DCP2: variants seen among roughly 807,000 people sequenced by gnomAD.
The protein encoded by DCP2 is decapping mRNA 2.
Under a neutral mutation model 56.1 loss-of-function variants are expected in DCP2, and 30 were observed. The observed-to-expected ratio is 0.53, with a 90% CI of 0.40 to 0.73. The LOEUF (loss-of-function observed/expected upper bound fraction) is 0.73, where lower values mean the gene tolerates loss of function less well. DCP2 is among the 30% of genes least tolerant of loss of function. The pLI, the probability that DCP2 is intolerant of heterozygous loss-of-function variation, is 0.00. For missense variants in DCP2, 533 were observed against 502.7 expected, an observed-to-expected ratio of 1.06 and a Z score of -0.58; for synonymous variants, 197 against 163.3, an observed-to-expected ratio of 1.21 and a Z score of -1.57.
At chr5:112,991,236 A>G (rs987877186) in intron 2 of DCP2, among the ~76,000 whole-genome samples, 7 of 152,228 alleles carry the variant, frequency 4.6e-5, no homozygotes, top group African/African-American at 1.7e-4. Context: ...ACAAATTTTT[A>G]TTGAAGAATT....
In DCP2 at chr5:112,992,346, A is replaced by G. The variant is rs375582716; in HGVS notation, c.333+98A>G. On this transcript the variant is annotated intron_variant, in intron 3 of 10. Coordinates refer to ENST00000389063, the MANE Select transcript of DCP2 (RefSeq NM_152624.6). ...TAGTGTTTCTAAATTGAGGTTTTAAAATATACTTAGATTTTTAGTGCTAAA... is the reference window on the plus strand; with the variant it reads ...TAGTGTTTCTAAATTGAGGTTTTAAGATATACTTAGATTTTTAGTGCTAAA... The G allele has an allele frequency of 2.5e-4, 368 of 1,446,942 alleles. 1 individual carries two copies. In the African/African-American group the frequency reaches 4.8e-3, roughly 19 times the overall value. The allele number at this position is 1,446,942 out of a possible 1,614,324, so 89.6% of individuals were successfully genotyped here. A position where few individuals can be genotyped will look rare whatever the true frequency, so the allele number is the denominator to read the frequency against.
chr5:112,977,044 C>T (rs1016062554), intron 1 of DCP2, 58 bp downstream of exon 1: 10 of 1,385,082 alleles, frequency 7.2e-6, no homozygotes, highest in African/African-American at 5.9e-5. Context: ...TTCGCGGACC[C>T]CCAGAGGCCT....
At chr5:112,991,597 C>T (rs1241309783) in intron 2 of DCP2, among the ~76,000 whole-genome samples, 2 of 152,214 alleles carry the variant, frequency 1.3e-5, no homozygotes, top group Non-Finnish European at 1.5e-5. Flanking sequence ...ATACCTCATT[C>T]ATACTTCTCC....
intron 1 of DCP2, among the ~76,000 whole-genome samples, chr5:112,983,522 A>G (rs1170819552): frequency 6.6e-6 from 1 of 152,236 alleles, no homozygotes; most frequent in African/African-American, 2.4e-5. Context: ...GCAAGGCAGT[A>G]TAGAAACATA....
At chr5:113,003,626 T>G (rs578210198) in intron 7 of DCP2, among the ~76,000 whole-genome samples, 1 of 152,308 alleles carries the variant, frequency 6.6e-6, no homozygotes, top group Admixed American at 6.5e-5. Context: ...ATTTATAGTC[T>G]GCATATTTTT....
Position 113,013,591 on chromosome 5 carries a change from G to C in DCP2, c.*107G>C. On this transcript the variant is annotated 3_prime_UTR_variant, in exon 11 of 11. Transcript: ENST00000389063. ...CAGGTGTTTTAAAGAAATGCAGGGA[G>C]GCAATGTTTCTGAAGACATTTTCTG... 1 of 1,333,722 alleles carries C rather than the reference G, an allele frequency of 7.5e-7. No homozygotes were observed. The highest frequency in any genetic ancestry group is 1.0e-6 in the Non-Finnish European group (1 of 973,252). 82.6% of individuals were successfully genotyped at this position (1,333,722 alleles called of 1,614,324 possible). A position where few individuals can be genotyped will look rare whatever the true frequency, so the allele number is the denominator to read the frequency against.
intron 2 of DCP2, among the ~76,000 whole-genome samples, chr5:112,988,551 A>T (rs543034455): frequency 4.0e-4 from 61 of 151,766 alleles, no homozygotes; most frequent in African/African-American, 1.5e-3. Flanking sequence ...GGTCTGTTAC[A>T]TCACTTGACG....
chr5:112,978,006 CTCTT>C (rs770178596), intron 1 of DCP2, among the ~76,000 whole-genome samples: 34 of 151,852 alleles, frequency 2.2e-4, no homozygotes, highest in Admixed American at 3.9e-4. Context: ...GAGACGGAGC[CTCTT>C]TCTTTTGCCC....
chr5:113,001,316 A>T (rs902457072), intron 5 of DCP2, 41 bp from the exon 6 acceptor site: 21 of 1,598,070 alleles, frequency 1.3e-5, no homozygotes, highest in Non-Finnish European at 1.7e-5. Context: ...AAGCTCCTTG[A>T]TAAAAATTAA....
At chr5:113,009,472 A>G (rs1238812782) in intron 9 of DCP2, among the ~76,000 whole-genome samples, 1 of 152,232 alleles carries the variant, frequency 6.6e-6, no homozygotes, top group African/African-American at 2.4e-5. Flanking sequence ...AGATGAAAAG[A>G]AGTAACCCAG....
At chr5:112,980,593 A>G (rs541434513) in intron 1 of DCP2, among the ~76,000 whole-genome samples, 1 of 152,346 alleles carries the variant, frequency 6.6e-6, no homozygotes, top group South Asian at 2.1e-4. Context: ...GAACTTTAAA[A>G]CAGATCAAAA....
intron 4 of DCP2, 144 bp downstream of exon 4, chr5:112,992,914 T>C (rs984450993): frequency 4.5e-6 from 2 of 444,590 alleles, no homozygotes; most frequent in Non-Finnish European, 7.6e-6. Context: ...TTTTTTTTTT[T>C]AAATCACTGT....
At chr5:113,007,868 C>T in intron 8 of DCP2, 70 bp from the exon 9 acceptor site, 5 of 1,352,806 alleles carry the variant, frequency 3.7e-6, no homozygotes, top group Non-Finnish European at 5.1e-6. Flanking sequence ...TAAACATATT[C>T]ATGGGGTATT....
chr5:113,008,239 G>A (rs919908213), intron 9 of DCP2, 197 bp downstream of exon 9: 1 of 457,128 alleles, frequency 2.2e-6, no homozygotes, highest in African/African-American at 2.0e-5. Flanking sequence ...GTATAATGTT[G>A]ATGCAATTGT....
chr5:112,978,163 G>C (rs1471373765), intron 1 of DCP2, among the ~76,000 whole-genome samples: 2 of 152,088 alleles, frequency 1.3e-5, no homozygotes, highest in African/African-American at 4.8e-5. Context: ...TTTTAGTAGA[G>C]ACGGGATTTC....
In DCP2 at chr5:113,001,617, AC is replaced by A. The variant is rs1749182512; in HGVS notation, c.750del (p.Asp250GlufsTer19). On this transcript the variant is annotated frameshift_variant, in exon 7 of 11. Coordinates refer to ENST00000389063, the MANE Select transcript of DCP2 (RefSeq NM_152624.6). LOFTEE classifies it high-confidence loss of function. ...SRRFGDSSDS[D>X]NGFSSTGSTP... ...AGATTTGGCGATTCCTCAGACAGTG[AC>A]AATGGATTTTCCTCAACTGGTAGCA... 3.7e-6 allele frequency: 6 copies of A among 1,614,094 alleles called. No individual in the cohort carries two copies. The highest frequency in any genetic ancestry group is 5.1e-6 in the Non-Finnish European group (6 of 1,180,036).
intron 7 of DCP2, among the ~76,000 whole-genome samples, chr5:113,002,465 A>G (rs982859871): frequency 2.6e-5 from 4 of 151,992 alleles, no homozygotes; most frequent in African/African-American, 7.3e-5. Flanking sequence ...TGTATTATCA[A>G]GAGTGACTAC....
chr5:113,007,972 A>G lies in DCP2; in HGVS notation c.977A>G (p.Tyr326Cys). The G allele has an allele frequency of 6.2e-7, 1 of 1,614,014 alleles. No homozygotes were observed. Among genetic ancestry groups the G allele is most frequent in the South Asian group, 1.1e-5 (1 of 91,082 alleles). Residue 326 changes from tyrosine to cysteine, a missense_variant, in exon 9 of 11, where the codon TAT becomes TGT. Coordinates refer to ENST00000389063, the MANE Select transcript of DCP2 (RefSeq NM_152624.6). ...QSMRGNGRKQ[Y>C]QDSPNQKKRT... ...ATGAGGGGAAATGGCAGAAAACAGTATCAAGATTCACCTAATCAAAAGAAA... is the reference window on the plus strand; with the variant it reads ...ATGAGGGGAAATGGCAGAAAACAGTGTCAAGATTCACCTAATCAAAAGAAA...
chr5:112,979,272 A>G (rs1747886166), intron 1 of DCP2, among the ~76,000 whole-genome samples: 1 of 152,222 alleles, frequency 6.6e-6, no homozygotes, highest in African/African-American at 2.4e-5. Flanking sequence ...ATGAAACCAA[A>G]TAAACATTTC....
Sources: allele counts gnomAD v4.1 joint callset (sites outside exome capture counted in the v4.1 genomes callset), GRCh38; gene constraint gnomAD v4.1.1; transcripts MANE v1.5; gene names NCBI Gene and HGNC (gene_info 2026-07-23, HGNC 2026-07-21).